B3GALT5: variants seen among roughly 807,000 people sequenced by gnomAD.
The protein encoded by B3GALT5 is beta-1,3-galactosyltransferase 5.
For synonymous variants in B3GALT5, 156 were observed against 158.6 expected (o/e 0.98, Z 0.12); for missense variants, 328 against 396.6 (o/e 0.83, Z 1.47).
chr21:39,637,625 A>G (rs2079237949), intron 1 of B3GALT5, among the ~76,000 whole-genome samples: 1 of 152,288 alleles, frequency 6.6e-6, no homozygotes, highest in African/African-American at 2.4e-5. Flanking sequence ...ACCTAGCAGG[A>G]CTGCTCCCAG....
intron 1 of B3GALT5, among the ~76,000 whole-genome samples, chr21:39,634,996 C>T (rs773101619): frequency 2.0e-5 from 3 of 152,128 alleles, no homozygotes; most frequent in Non-Finnish European, 4.4e-5. Flanking sequence ...CCACTTTTTA[C>T]AAGAATGTCC....
intron 1 of B3GALT5, among the ~76,000 whole-genome samples, chr21:39,627,493 G>T (rs907287510): frequency 1.3e-5 from 2 of 152,144 alleles, no homozygotes; most frequent in Non-Finnish European, 2.9e-5. Flanking sequence ...GTGTTAACAA[G>T]GTGCCACTGT....
At chr21:39,639,400 T>TTCTTTCTTTC (rs1339331444) in intron 1 of B3GALT5, among the ~76,000 whole-genome samples, 12 of 57,192 alleles carry the variant, frequency 2.1e-4, no homozygotes, top group East Asian at 1.5e-3. Flanking sequence ...CCTTCTTTCT[T>TTCTTTCTTTC]TTTCTTTCTT....
At chr21:39,655,464 G>C (rs1240269921) in intron 2 of B3GALT5, among the ~76,000 whole-genome samples, 1 of 152,210 alleles carries the variant, frequency 6.6e-6, no homozygotes, top group Non-Finnish European at 1.5e-5. Context: ...TGCCAGCCCA[G>C]TGTGGGCCTG....
In B3GALT5 at chr21:39,639,290, CTT is replaced by C. The variant is rs958608541; in HGVS notation, c.-391-7100_-391-7099del. Among the ~76,000 whole-genome samples, 9 of 44,134 alleles carry C rather than the reference CTT, an allele frequency of 2.0e-4. No individual in the cohort carries two copies. The East Asian group carries it at 4.3e-3, about 21-fold the overall frequency. The allele number at this position is 44,134 out of a possible 152,430, so 29.0% of individuals were successfully genotyped here. A position where few individuals can be genotyped will look rare whatever the true frequency, so the allele number is the denominator to read the frequency against. On this transcript the variant is annotated intron_variant, in intron 1 of 3. Coordinates refer to ENST00000684187, the MANE Select transcript of B3GALT5 (RefSeq NM_001356336.2). ...TGCAAGCAGCTTCAGGCATCTGGCT[CTT>C]TCTTTCTTTCTTTCTTTCTTTCTTT...
Position 39,670,643 on chromosome 21 carries a change from C to T in B3GALT5, c.*9151C>T, listed in dbSNP as rs1037750670. On this transcript the variant is annotated 3_prime_UTR_variant, in exon 4 of 4. Coordinates refer to ENST00000684187, the MANE Select transcript of B3GALT5 (RefSeq NM_001356336.2). ...AGTGAAATAAAGTGAAACAGATCAA[C>T]CAGCCTATTGAGTATCTACGTGTTT... 6.6e-6 allele frequency: 1 copy of T among 152,144 alleles called. No homozygotes were observed. The highest frequency in any genetic ancestry group is 1.9e-4 in the East Asian group (1 of 5,188). The allele number at this position is 152,144 out of a possible 1,614,324, so 9.4% of individuals were successfully genotyped here.
Position 39,660,919 on chromosome 21 carries a change from C to T in B3GALT5, c.360C>T (p.Ile120=), listed in dbSNP as rs777967860. The change falls in exon 4 of 4, where the codon ATC becomes ATT. Residue 120 remains isoleucine (I), a synonymous_variant. Coordinates refer to ENST00000684187, the MANE Select transcript of B3GALT5 (RefSeq NM_001356336.2). ...DQESQRHGDI[I]QKDFLDVYYN... ...AGAGCCAGCGACACGGGGACATTATCCAGAAGGATTTCCTAGACGTCTATT... is the reference window on the plus strand; with the variant it reads ...AGAGCCAGCGACACGGGGACATTATTCAGAAGGATTTCCTAGACGTCTATT... The T allele has an allele frequency of 8.7e-6, 14 of 1,609,448 alleles. No homozygotes were observed. The South Asian group carries it at 1.3e-4, about 15-fold the overall frequency.
In B3GALT5 at chr21:39,669,242, G is replaced by A. The variant is rs2079606320; in HGVS notation, c.*7750G>A. On this transcript the variant is annotated 3_prime_UTR_variant, in exon 4 of 4. Coordinates refer to ENST00000684187, the MANE Select transcript of B3GALT5 (RefSeq NM_001356336.2). ...AATGAGGTAAAAGAAGTTGGAGCTG[G>A]AAGATGCCTTAGAAATTATCTACAG... The A allele has an allele frequency of 6.6e-6, 1 of 152,092 alleles. No homozygotes were observed. Among genetic ancestry groups the A allele is most frequent in the Non-Finnish European group, 1.5e-5 (1 of 68,032 alleles). 9.4% of individuals were successfully genotyped at this position (152,092 alleles called of 1,614,324 possible). A position where few individuals can be genotyped will look rare whatever the true frequency, so the allele number is the denominator to read the frequency against.
chr21:39,639,413 T>C (rs1426825796), intron 1 of B3GALT5, among the ~76,000 whole-genome samples: 27 of 98,164 alleles, frequency 2.8e-4, no homozygotes, highest in Admixed American at 5.7e-4. Flanking sequence ...TCTTTCTTTC[T>C]TTCTTTCTTT....
chr21:39,648,346 G>A (rs925080967), intron 2 of B3GALT5, among the ~76,000 whole-genome samples: 1 of 152,180 alleles, frequency 6.6e-6, no homozygotes, highest in Non-Finnish European at 1.5e-5. Context: ...AGATTGTAGA[G>A]TGAGGGGAGG....
At chr21:39,656,784 G>T (rs556694483) in intron 2 of B3GALT5, among the ~76,000 whole-genome samples, 2 of 152,224 alleles carry the variant, frequency 1.3e-5, no homozygotes, top group Admixed American at 6.5e-5. Context: ...GCCTGTGCGG[G>T]TAGGATGCTG....
chr21:39,650,508 A>C (rs563751934), intron 2 of B3GALT5, among the ~76,000 whole-genome samples: 1 of 152,252 alleles, frequency 6.6e-6, no homozygotes, highest in South Asian at 2.1e-4. Flanking sequence ...TTCTTGGTTG[A>C]GCTGCCACAA....
At chr21:39,640,617 A>G (rs2079282518) in intron 1 of B3GALT5, among the ~76,000 whole-genome samples, 1 of 152,228 alleles carries the variant, frequency 6.6e-6, no homozygotes, top group South Asian at 2.1e-4. Context: ...CTGAACTTCA[A>G]AACTATGAGG....
chr21:39,658,694 C>G lies in B3GALT5; in HGVS notation c.-160-1059C>G, dbSNP rs2079475911. 2.6e-5 allele frequency among the ~76,000 whole-genome samples: 4 copies of G among 152,140 alleles called. No homozygotes were observed. In the South Asian group the frequency reaches 6.2e-4, roughly 24 times the overall value. On this transcript the variant is annotated intron_variant, in intron 2 of 3. Transcript: ENST00000684187. ...TTTGCAGCATCCTGGAGCACCAGTT[C>G]AGACAAGTTCTGGTCTCCTGCTTGC...
At chr21:39,623,192 C>T (rs1375601714) in intron 1 of B3GALT5, among the ~76,000 whole-genome samples, 2 of 103,214 alleles carry the variant, frequency 1.9e-5, no homozygotes, top group Non-Finnish European at 3.9e-5. Flanking sequence ...CCATCCATCC[C>T]TCCCTCCTTC....
intron 1 of B3GALT5, among the ~76,000 whole-genome samples, chr21:39,623,928 C>A (rs1261524662): frequency 3.3e-5 from 5 of 152,300 alleles, no homozygotes; most frequent in South Asian, 2.1e-4. Flanking sequence ...TCAGAGTAAG[C>A]CAACCCTCTT....
chr21:39,639,286 G>GGCTC lies in B3GALT5; in HGVS notation c.-391-7105_-391-7102dup, dbSNP rs1212266409. 1.3e-3 allele frequency among the ~76,000 whole-genome samples: 176 copies of GGCTC among 133,838 alleles called. 1 individual carries two copies. Among genetic ancestry groups the GGCTC allele is most frequent in the East Asian group, 9.6e-3 (41 of 4,276 alleles). 87.8% of individuals were successfully genotyped at this position (133,838 alleles called of 152,430 possible). A position where few individuals can be genotyped will look rare whatever the true frequency, so the allele number is the denominator to read the frequency against. On this transcript the variant is annotated intron_variant, in intron 1 of 3. Transcript: ENST00000684187. Reference sequence around the variant, plus strand: ...CCCTTGCAAGCAGCTTCAGGCATCTGGCTCTTTCTTTCTTTCTTTCTTTCT... The same window carrying GGCTC: ...CCCTTGCAAGCAGCTTCAGGCATCTGGCTCGCTCTTTCTTTCTTTCTTTCTTTCT...
chr21:39,649,333 A>G (rs1054020198), intron 2 of B3GALT5, among the ~76,000 whole-genome samples: 1 of 152,036 alleles, frequency 6.6e-6, no homozygotes, highest in Non-Finnish European at 1.5e-5. Context: ...CTCCTTTCTC[A>G]GCTTTCCCTC....
intron 1 of B3GALT5, among the ~76,000 whole-genome samples, chr21:39,643,910 G>A (rs574320327): frequency 6.6e-6 from 1 of 152,254 alleles, no homozygotes; most frequent in East Asian, 1.9e-4. Context: ...CGTTCTTGTG[G>A]AAGTGATTGA....
Sources: allele counts gnomAD v4.1 joint callset (sites outside exome capture counted in the v4.1 genomes callset), GRCh38; gene constraint gnomAD v4.1.1; transcripts MANE v1.5; gene names NCBI Gene and HGNC (gene_info 2026-07-23, HGNC 2026-07-21).